The following TRA2B variants were observed in gnomAD, a reference collection of about 807,000 sequenced individuals.
TRA2B encodes the protein transformer 2 beta homolog.
In TRA2B, 14 loss-of-function variants were observed where a neutral mutation model predicts 41.7. The observed-to-expected ratio is 0.34, with a 90% CI of 0.22 to 0.53. TRA2B has a LOEUF of 0.53. Ranked by LOEUF, TRA2B falls within the 20% of genes least tolerant of loss-of-function variation. TRA2B has a pLI of 0.95. For missense variants in TRA2B, 167 were observed against 396.8 expected (o/e 0.42, Z 4.92); for synonymous variants, 130 against 128.8 (o/e 1.01, Z -0.06).
chr3:185,924,965 C>CCCCTGCACCCTCCTCCTAAACCACTTGG, intron 3 of TRA2B: 1 of 152,250 alleles, frequency 6.6e-6, no homozygotes, highest in African/African-American at 2.4e-5. Flanking sequence ...ATTAAGTCCC[C>CCCCTGCACCCTCCTCCTAAACCACTTGG]CCCTGCACCC....
At chr3:185,936,788 A>G in intron 1 of TRA2B, 5 of 985,176 alleles carry the variant, frequency 5.1e-6, no homozygotes, top group Non-Finnish European at 6.0e-6. Flanking sequence ...CAAGCCTCGT[A>G]TGTTCGCATC....
At chr3:185,922,173 T>A in intron 4 of TRA2B, 47 bp from the exon 5 acceptor site, 1 of 1,391,810 alleles carries the variant, frequency 7.2e-7, no homozygotes, top group Non-Finnish European at 1.0e-6. Flanking sequence ...ACAAAGCCAC[T>A]AATTATCCTG....
rs113019909 is a variant in TRA2B at position 185,925,192 on chromosome 3, A to G, written c.333+272T>C. ...TTTTGAACTAATGTACTAATACTAT[A>G]CTACAGTATAGTAATGCAGTCGGAA... On this transcript the variant is annotated intron_variant, in intron 3 of 8. Coordinates refer to ENST00000453386, the MANE Select transcript of TRA2B (RefSeq NM_004593.3). The G allele has an allele frequency of 1.9e-3, 547 of 290,614 alleles. 2 individuals are homozygous for G. Among genetic ancestry groups the G allele is most frequent in the Non-Finnish European group, 3.0e-3 (465 of 154,400 alleles). 18.0% of individuals were successfully genotyped at this position (290,614 alleles called of 1,614,324 possible). A position where few individuals can be genotyped will look rare whatever the true frequency, so the allele number is the denominator to read the frequency against.
chr3:185,919,742 ATC>A (rs1019728603), intron 6 of TRA2B, among the ~76,000 whole-genome samples: 2 of 152,198 alleles, frequency 1.3e-5, no homozygotes, highest in African/African-American at 4.8e-5. Context: ...TAAGAAAAAA[ATC>A]TCAGCCCCAA....
At chr3:185,921,726 C>T (rs1270601579) in intron 5 of TRA2B, among the ~76,000 whole-genome samples, 11 of 152,080 alleles carry the variant, frequency 7.2e-5, no homozygotes, top group Non-Finnish European at 1.3e-4. Context: ...ATTGCACCAT[C>T]GCACTCCAGC....
chr3:185,936,605 T>A (rs1436823347), intron 1 of TRA2B: 1 of 985,052 alleles, frequency 1.0e-6, no homozygotes, highest in East Asian at 1.1e-4. Flanking sequence ...TTAATAGTCT[T>A]ATTTACCTGA....
chr3:185,937,970 G>T lies in TRA2B; in HGVS notation c.-110C>A. The stretch of plus-strand genomic sequence containing the variant: ...CCCCGCACGACGCGCCGGTCGCCCA[G>T]CCGCTCAGAGCCGAAATGCTCCGCA... On this transcript the variant is annotated 5_prime_UTR_variant, in exon 1 of 9. The change creates a new upstream start codon in the 5' untranslated region. Coordinates refer to ENST00000453386, the MANE Select transcript of TRA2B (RefSeq NM_004593.3). 7.7e-7 allele frequency: 1 copy of T among 1,306,986 alleles called. No homozygotes were observed. The highest frequency in any genetic ancestry group is 1.2e-5 in the South Asian group (1 of 81,544). 81.0% of individuals were successfully genotyped at this position (1,306,986 alleles called of 1,614,324 possible). A position where few individuals can be genotyped will look rare whatever the true frequency, so the allele number is the denominator to read the frequency against.
intron 1 of TRA2B, among the ~76,000 whole-genome samples, chr3:185,934,080 A>G (rs944885740): frequency 6.6e-6 from 1 of 152,168 alleles, no homozygotes; most frequent in Non-Finnish European, 1.5e-5. Context: ...TTTAAAAACA[A>G]GACTAAGTGA....
Position 185,937,904 on chromosome 3 carries a change from T to G in TRA2B, c.-44A>C, listed in dbSNP as rs754872530. 2 of 1,612,242 alleles carry G rather than the reference T, an allele frequency of 1.2e-6. No individual in the cohort carries two copies. Among genetic ancestry groups the G allele is most frequent in the South Asian group, 2.2e-5 (2 of 91,068 alleles). The stretch of plus-strand genomic sequence containing the variant: ...CCGGTCGATGTGCTTCAATCGAAGC[T>G]GCCAACCTCTTGCACCTTCCTTAAG... On this transcript the variant is annotated 5_prime_UTR_variant, in exon 1 of 9. Coordinates refer to ENST00000453386, the MANE Select transcript of TRA2B (RefSeq NM_004593.3).
chr3:185,934,396 T>C (rs1862903), intron 1 of TRA2B: 730,656 of 985,144 alleles, frequency 0.74, 271,604 homozygotes, highest in African/African-American at 0.86. Context: ...CTGAATTCCT[T>C]TTCAACCTTT....
At position 185,919,429 on chromosome 3, in the gene TRA2B, T is replaced by C. The variant is rs1055293873; in HGVS notation, c.782+8A>G. On this transcript the variant is annotated splice_region_variant and intron_variant, in intron 7 of 8. Transcript: ENST00000453386. ...GTTGTACAGATGCTAAGTCCTCTCC[T>C]GGCATACCTATAAATCTGATCCCTG... 5 of 1,612,200 alleles carry C rather than the reference T, an allele frequency of 3.1e-6. No individual in the cohort carries two copies. The highest frequency in any genetic ancestry group is 2.2e-5 in the East Asian group (1 of 44,854).
chr3:185,921,657 G>A (rs1578474494), intron 5 of TRA2B, among the ~76,000 whole-genome samples: 2 of 152,224 alleles, frequency 1.3e-5, no homozygotes, highest in South Asian at 2.1e-4. Context: ...CCAGCTACTC[G>A]GGAGGCTGAG....
intron 1 of TRA2B, chr3:185,927,242 G>A (rs943861838): frequency 4.6e-5 from 7 of 152,250 alleles, no homozygotes; most frequent in African/African-American, 9.7e-5. Flanking sequence ...TAAAGATGAT[G>A]ATCTCAGTTT....
chr3:185,924,576 C>G (rs1033811750), intron 3 of TRA2B: 1 of 152,654 alleles, frequency 6.6e-6, no homozygotes, highest in Non-Finnish European at 1.5e-5. Context: ...TCTGGGAGGC[C>G]AAGGCTGGTG....
intron 1 of TRA2B, chr3:185,931,711 G>A (rs896466789): frequency 3.7e-6 from 5 of 1,366,596 alleles, no homozygotes; most frequent in African/African-American, 1.5e-5. Context: ...TATTCTACAA[G>A]TGGGACTTCT....
At position 185,936,797 on chromosome 3, in the gene TRA2B, T is replaced by C. The variant is rs1409801306; in HGVS notation, c.36+1028A>G. On this transcript the variant is annotated intron_variant, in intron 1 of 8. Coordinates refer to ENST00000453386, the MANE Select transcript of TRA2B (RefSeq NM_004593.3). ...TTCTAGCAAGCCTCGTATGTTCGCA[T>C]CATTCAATGCTTTCCGAATCCAATA... is the stretch of plus-strand genomic sequence containing the variant. 5.1e-6 allele frequency: 5 copies of C among 985,246 alleles called. No individual in the cohort carries two copies. In the African/African-American group the frequency reaches 5.2e-5, roughly 10 times the overall value. The allele number at this position is 985,246 out of a possible 1,614,324, so 61.0% of individuals were successfully genotyped here. A position where few individuals can be genotyped will look rare whatever the true frequency, so the allele number is the denominator to read the frequency against.
chr3:185,937,022 C>A, intron 1 of TRA2B: 2 of 985,400 alleles, frequency 2.0e-6, no homozygotes, highest in Non-Finnish European at 2.4e-6. Flanking sequence ...TGGTTGCCCG[C>A]CAATTTCTCC....
chr3:185,915,069 C>G lies in TRA2B; in HGVS notation c.*2646G>C, dbSNP rs142992079. On this transcript the variant is annotated 3_prime_UTR_variant, in exon 9 of 9. Coordinates refer to ENST00000453386, the MANE Select transcript of TRA2B (RefSeq NM_004593.3). Reference sequence around the variant, plus strand: ...GTGCAAGCTAGATCCCTCTCAAGCGCACTTCACAATAGGATTCCTGCTATG... The same window carrying G: ...GTGCAAGCTAGATCCCTCTCAAGCGGACTTCACAATAGGATTCCTGCTATG... Among the ~76,000 whole-genome samples, 4 of 152,250 alleles carry G rather than the reference C, an allele frequency of 2.6e-5. No individual in the cohort carries two copies. The East Asian group carries it at 7.7e-4, about 29-fold the overall frequency.
intron 1 of TRA2B, among the ~76,000 whole-genome samples, chr3:185,933,745 T>A (rs910801953): frequency 6.6e-6 from 1 of 152,138 alleles, no homozygotes; most frequent in Non-Finnish European, 1.5e-5. Flanking sequence ...AAAAACATCA[T>A]CTGAAATTAG....
Sources: allele counts gnomAD v4.1 joint callset (sites outside exome capture counted in the v4.1 genomes callset), GRCh38; gene constraint gnomAD v4.1.1; transcripts MANE v1.5; gene names NCBI Gene and HGNC (gene_info 2026-07-23, HGNC 2026-07-21).